Variants in GUCY1A2 observed in about 807,000 individuals in gnomAD.
GUCY1A2 encodes the protein guanylate cyclase 1 soluble subunit alpha 2.
Under a neutral mutation model 63.5 loss-of-function variants are expected in GUCY1A2, and 27 were observed. The ratio of observed to expected loss-of-function variants is 0.43; its 90% CI spans 0.31 to 0.59. The LOEUF (loss-of-function observed/expected upper bound fraction) is 0.59. Ranked by LOEUF, GUCY1A2 falls within the 20% of genes least tolerant of loss-of-function variation. The pLI, the probability that GUCY1A2 is intolerant of heterozygous loss-of-function variation, is 0.11. For synonymous variants in GUCY1A2, 364 were observed against 343.5 expected, an observed-to-expected ratio of 1.06 and a Z score of -0.66; for missense variants, 768 against 913.3, an observed-to-expected ratio of 0.84 and a Z score of 2.05.
intron 7 of GUCY1A2, among the ~76,000 whole-genome samples, chr11:106,707,423 A>G (rs1020933701): frequency 3.3e-5 from 5 of 152,040 alleles, no homozygotes; most frequent in African/African-American, 1.2e-4. Context: ...AGAAAAATCA[A>G]TGGCCACTAT....
At chr11:106,788,144 T>G (rs1448667273) in intron 5 of GUCY1A2, among the ~76,000 whole-genome samples, 1 of 152,194 alleles carries the variant, frequency 6.6e-6, no homozygotes, top group East Asian at 1.9e-4. Flanking sequence ...TCAAAGATAT[T>G]AAGCATTTTT....
At chr11:106,838,971 T>C (rs985222028) in intron 4 of GUCY1A2, among the ~76,000 whole-genome samples, 3 of 152,076 alleles carry the variant, frequency 2.0e-5, no homozygotes, top group African/African-American at 7.2e-5. Flanking sequence ...GCAGAAGCTC[T>C]TTAGTTTAAT....
chr11:106,713,795 C>T (rs1863167597), intron 6 of GUCY1A2, among the ~76,000 whole-genome samples: 2 of 151,800 alleles, frequency 1.3e-5, no homozygotes, highest in South Asian at 4.1e-4. Context: ...CGTGAGCCAC[C>T]GCGCCCAGCC....
rs1247098633 is a variant in GUCY1A2, at chr11:106,868,648, G to C, written c.1207-58170C>G. ...AAGAACATTCCATGCTCATGGATAG[G>C]AAGAATCAATATCATGAAAATGGCC... is the stretch of plus-strand genomic sequence containing the variant. On this transcript the variant is annotated intron_variant, in intron 4 of 7. Coordinates refer to ENST00000526355, the MANE Select transcript of GUCY1A2 (RefSeq NM_000855.3). Among the ~76,000 whole-genome samples the C allele has an allele frequency of 2.0e-5, 3 of 152,086 alleles. No homozygotes were observed. The East Asian group carries it at 5.8e-4, about 29-fold the overall frequency.
At chr11:106,961,433 C>A (rs1401371121) in intron 3 of GUCY1A2, among the ~76,000 whole-genome samples, 1 of 152,168 alleles carries the variant, frequency 6.6e-6, no homozygotes, top group East Asian at 1.9e-4. Flanking sequence ...TTCCCATAAA[C>A]TTTTAAGATT....
chr11:106,773,395 AG>A (rs1279769278), intron 6 of GUCY1A2, among the ~76,000 whole-genome samples: 2 of 152,194 alleles, frequency 1.3e-5, no homozygotes, highest in East Asian at 1.9e-4. Context: ...TGGTATACCA[AG>A]GTATAAATAT....
chr11:106,797,556 T>A lies in GUCY1A2; in HGVS notation c.1692+12437A>T, dbSNP rs150854478. Among the ~76,000 whole-genome samples the A allele has an allele frequency of 7.3e-3, 1,104 of 151,894 alleles. 14 individuals carry two copies. The highest frequency in any genetic ancestry group is 0.025 in the African/African-American group (1,042 of 41,526). On this transcript the variant is annotated intron_variant, in intron 5 of 7. Coordinates refer to ENST00000526355, the MANE Select transcript of GUCY1A2 (RefSeq NM_000855.3). ...GTAAAGCACTCCTCAACAGAAATTA[T>A]AACAAACTGTCTCTCAGACCACAGT...
chr11:106,911,858 A>C (rs1342732138), intron 4 of GUCY1A2, among the ~76,000 whole-genome samples: 1 of 152,100 alleles, frequency 6.6e-6, no homozygotes, highest in Non-Finnish European at 1.5e-5. Context: ...TATGGTACAT[A>C]TTTAGATTAT....
At chr11:106,710,865 C>T (rs1863105286) in intron 6 of GUCY1A2, among the ~76,000 whole-genome samples, 1 of 151,920 alleles carries the variant, frequency 6.6e-6, no homozygotes, top group Admixed American at 6.6e-5. Flanking sequence ...AAATATCACC[C>T]CTTCACCACC....
chr11:106,923,077 T>C (rs894975781), intron 4 of GUCY1A2, among the ~76,000 whole-genome samples: 1 of 152,132 alleles, frequency 6.6e-6, no homozygotes, highest in African/African-American at 2.4e-5. Context: ...TAGGAAATGA[T>C]TTCATTAGGG....
chr11:106,852,108 T>C (rs139529842), intron 4 of GUCY1A2, among the ~76,000 whole-genome samples: 1 of 152,142 alleles, frequency 6.6e-6, no homozygotes, highest in Non-Finnish European at 1.5e-5. Context: ...GTAGCTATTG[T>C]AAATGGCATA....
At chr11:106,979,097 T>C (rs1188890545) in intron 2 of GUCY1A2, among the ~76,000 whole-genome samples, 1 of 152,200 alleles carries the variant, frequency 6.6e-6, no homozygotes, top group East Asian at 1.9e-4. Context: ...ACAATGTTAA[T>C]TTGGTGTCCT....
At chr11:106,803,800 C>T (rs535658975) in intron 5 of GUCY1A2, among the ~76,000 whole-genome samples, 1 of 152,300 alleles carries the variant, frequency 6.6e-6, no homozygotes, top group South Asian at 2.1e-4. Flanking sequence ...CAAGATAGCA[C>T]TGGGATTCCA....
chr11:106,755,732 T>C (rs995876200), intron 6 of GUCY1A2, among the ~76,000 whole-genome samples: 1 of 152,218 alleles, frequency 6.6e-6, no homozygotes, highest in African/African-American at 2.4e-5. Context: ...TGATTTCTGT[T>C]CTTTCACATT....
Position 106,827,983 on chromosome 11 carries a change from C to T in GUCY1A2, c.1207-17505G>A, listed in dbSNP as rs1006840426. 19 of 771,736 alleles carry T rather than the reference C, an allele frequency of 2.5e-5. No individual in the cohort carries two copies. The Admixed American group carries it at 3.3e-4, about 14-fold the overall frequency. The allele number at this position is 771,736 out of a possible 1,614,324, so 47.8% of individuals were successfully genotyped here. A position where few individuals can be genotyped will look rare whatever the true frequency, so the allele number is the denominator to read the frequency against. ...GAAGCAGCCGCGAGGCGGTCACTTCCGGTGCCTTATCCAGAGAATCCGACC... is the reference window on the plus strand; with the variant it reads ...GAAGCAGCCGCGAGGCGGTCACTTCTGGTGCCTTATCCAGAGAATCCGACC... On this transcript the variant is annotated intron_variant, in intron 4 of 7. Transcript: ENST00000526355.
At position 107,018,032 on chromosome 11, in the gene GUCY1A2, G is replaced by T; in HGVS notation, c.24C>A (p.Ser8=). The change falls in exon 1 of 8, where the codon TCC becomes TCA. Residue 8 remains serine (S), a synonymous_variant. Coordinates refer to ENST00000526355, the MANE Select transcript of GUCY1A2 (RefSeq NM_000855.3). ...CGGAGCCCAGGGAGCTGAAGGACTCGGACGAAATCTTCCTTCGAGACATGC... is the reference window on the plus strand; with the variant it reads ...CGGAGCCCAGGGAGCTGAAGGACTCTGACGAAATCTTCCTTCGAGACATGC... MSRRKIS[S]ESFSSLGSDY... The T allele has an allele frequency of 6.8e-7, 1 of 1,473,112 alleles. No individual in the cohort carries two copies. The highest frequency in any genetic ancestry group is 1.3e-5 in the South Asian group (1 of 77,794). The allele number at this position is 1,473,112 out of a possible 1,614,324, so 91.3% of individuals were successfully genotyped here. A position where few individuals can be genotyped will look rare whatever the true frequency, so the allele number is the denominator to read the frequency against.
At chr11:106,975,074 C>A (rs2120107815) in intron 3 of GUCY1A2, among the ~76,000 whole-genome samples, 1 of 152,138 alleles carries the variant, frequency 6.6e-6, no homozygotes, top group Middle Eastern at 3.4e-3. Flanking sequence ...CCCACAACAC[C>A]CTTAATAGTA....
intron 3 of GUCY1A2, among the ~76,000 whole-genome samples, chr11:106,960,886 A>G (rs1028650952): frequency 1.3e-5 from 2 of 152,098 alleles, no homozygotes; most frequent in Admixed American, 6.6e-5. Flanking sequence ...TAATTATCTC[A>G]CCAGGACACA....
intron 6 of GUCY1A2, among the ~76,000 whole-genome samples, chr11:106,763,614 G>A (rs139600362): frequency 3.9e-5 from 6 of 152,136 alleles, no homozygotes; most frequent in South Asian, 2.1e-4. Context: ...AAATCTGGGC[G>A]GTCAATTGAA....
Sources: allele counts gnomAD v4.1 joint callset (sites outside exome capture counted in the v4.1 genomes callset), GRCh38; gene constraint gnomAD v4.1.1; transcripts MANE v1.5; gene names NCBI Gene and HGNC (gene_info 2026-07-23, HGNC 2026-07-21).